DPF1: variants seen among roughly 807,000 people sequenced by gnomAD.
The protein encoded by DPF1 is zinc finger protein neuro-d4.
DPF1 carries 14 observed loss-of-function variants against 58.7 expected under a neutral mutation model. The observed-to-expected ratio is 0.24, with a 90% CI of 0.16 to 0.37. The LOEUF (loss-of-function observed/expected upper bound fraction) is 0.37. Ranked by LOEUF, DPF1 falls within the 10% of genes least tolerant of loss-of-function variation. The pLI, the probability that DPF1 is intolerant of heterozygous loss-of-function variation, is 1.00. For missense variants in DPF1, 345 were observed against 529.9 expected (o/e 0.65, Z 3.43); for synonymous variants, 216 against 216.0 (o/e 1.00, Z 0.00).
In DPF1 at chr19:38,218,983, G is replaced by A. The variant is rs368544567; in HGVS notation, c.374C>T (p.Thr125Met). 4.2e-5 allele frequency: 68 copies of A among 1,614,050 alleles called. No homozygotes were observed. Among genetic ancestry groups the A allele is most frequent in the Middle Eastern group, 3.3e-4 (2 of 6,084 alleles). ...CTTCAGCTCAATCTTCTTCTCCCCC[G>A]TCTCTGCACACAGTAGAGCCTCGAG... ...PVLEALLCAE[T>M]GEKKIELKEE... The change falls in exon 4 of 12, where the codon ACG (threonine) becomes ATG (methionine). Residue 125 changes from threonine to methionine, a missense_variant. Coordinates refer to ENST00000355526, the MANE Select transcript of DPF1 (RefSeq NM_001135155.3).
chr19:38,224,332 G>A (rs1313244525), upstream of DPF1: 1 of 1,236,148 alleles, frequency 8.1e-7, no homozygotes, highest in Non-Finnish European at 1.0e-6. This position sits in a 1 kb window ranked among gnomAD's most constrained non-coding sequence, Gnocchi z 4.5. Context: ...GGGGGCCCCC[G>A]GGACCCCGCG....
chr19:38,223,757 C>T, intron 1 of DPF1: 1 of 212,956 alleles, frequency 4.7e-6, no homozygotes, highest in Non-Finnish European at 9.3e-6. Context: ...GATACACACA[C>T]ACACTCCACA....
upstream of DPF1, among the ~76,000 whole-genome samples, chr19:38,225,740 A>G (rs1176255771): frequency 1.3e-5 from 2 of 150,996 alleles, no homozygotes; most frequent in Non-Finnish European, 3.0e-5. Context: ...AAAAAAATAA[A>G]TAGCTGGGCA....
At chr19:38,219,393 C>T (rs1967280182) in intron 3 of DPF1, 1 of 291,082 alleles carries the variant, frequency 3.4e-6, no homozygotes. Context: ...CAGATCCAGA[C>T]ACTCGCAGAG....
rs550095241 is a variant in DPF1, at chr19:38,211,968, T to A, written c.*95A>T. The A allele has an allele frequency of 1.7e-5, 23 of 1,379,962 alleles. No individual in the cohort carries two copies. In the East Asian group the frequency reaches 5.3e-4, roughly 32 times the overall value. The allele number at this position is 1,379,962 out of a possible 1,614,324, so 85.5% of individuals were successfully genotyped here. Reference sequence around the variant, plus strand: ...CCCTCTCGGCTTCCCCCTCTCCCCCTCCCCCTGCGGGATGTTCAGGGTGGG... The same window carrying A: ...CCCTCTCGGCTTCCCCCTCTCCCCCACCCCCTGCGGGATGTTCAGGGTGGG... On this transcript the variant is annotated 3_prime_UTR_variant, in exon 12 of 12. Transcript: ENST00000355526. This position sits in a 1 kb window ranked among gnomAD's most constrained non-coding sequence, Gnocchi z 4.0.
intron 9 of DPF1, 32 bp from the exon 10 acceptor site, chr19:38,213,788 A>G (rs1262349241): frequency 1.2e-5 from 19 of 1,581,624 alleles, no homozygotes; most frequent in South Asian, 3.3e-5. Flanking sequence ...TGCAGTTAGG[A>G]GGTCACCGTG....
upstream of DPF1, among the ~76,000 whole-genome samples, chr19:38,226,767 T>C (rs979225405): frequency 6.6e-6 from 1 of 151,678 alleles, no homozygotes; most frequent in Non-Finnish European, 1.5e-5. Context: ...CCCACCTTCC[T>C]CTCTCACCTC....
Position 38,222,539 on chromosome 19 carries a change from C to A in DPF1, c.190+9G>T. 2 of 1,604,186 alleles carry A rather than the reference C, an allele frequency of 1.2e-6. No homozygotes were observed. The highest frequency in any genetic ancestry group is 1.1e-5 in the South Asian group (1 of 90,114). On this transcript the variant is annotated intron_variant, in intron 2 of 11. Transcript: ENST00000355526. This position sits in a 1 kb window ranked among gnomAD's most constrained non-coding sequence, Gnocchi z 4.9. ...CCGCCCCGCCCTGCGCCAGCCCTCC[C>A]GGCGGTACCCGGCCCGCGGTGGGTC...
chr19:38,216,522 T>TA, intron 7 of DPF1, 119 bp from the exon 8 acceptor site: 1 of 1,209,416 alleles, frequency 8.3e-7, no homozygotes, highest in East Asian at 2.6e-5. Context: ...GAAGAGTGAG[T>TA]AGCTACCCCA....
At chr19:38,214,477 TGAC>T (rs1973706854) in intron 9 of DPF1, among the ~76,000 whole-genome samples, 1 of 152,148 alleles carries the variant, frequency 6.6e-6, no homozygotes, top group African/African-American at 2.4e-5. Context: ...CCACAATTCA[TGAC>T]CTACTGTGCT....
chr19:38,216,631 T>C, intron 7 of DPF1: 1 of 436,512 alleles, frequency 2.3e-6, no homozygotes, highest in Non-Finnish European at 3.9e-6. Context: ...TCTTGGTATG[T>C]TGCCCAGGCT....
At chr19:38,212,237 T>TGGGGGGGGGGGGGGCC in intron 11 of DPF1, 43 bp downstream of exon 11, 2 of 1,256,808 alleles carry the variant, frequency 1.6e-6, no homozygotes, top group Non-Finnish European at 2.2e-6. Flanking sequence ...GGAGATGGCG[T>TGGGGGGGGGGGGGGCC]TCCCACCCAC....
intron 6 of DPF1, 99 bp from the exon 7 acceptor site, chr19:38,217,690 C>T (rs1241805999): frequency 6.4e-7 from 1 of 1,563,080 alleles, no homozygotes; most frequent in Non-Finnish European, 8.7e-7. Flanking sequence ...CAGCCAGAGA[C>T]CTGAGCAGCC....
chr19:38,225,132 C>T (rs910863923), upstream of DPF1, among the ~76,000 whole-genome samples: 1 of 152,096 alleles, frequency 6.6e-6, no homozygotes, highest in African/African-American at 2.4e-5. Context: ...TATACTCCCC[C>T]ACTCAGGAGG....
chr19:38,212,087 A>G lies in DPF1; in HGVS notation c.1140T>C (p.Ala380=). Residue 380 remains alanine (A), a synonymous_variant, in exon 12 of 12, where the codon GCT becomes GCC. Transcript: ENST00000355526. ...HLCLRHLKEK[A]SAYITLT Reference sequence around the variant, plus strand: ...CCTAGGTGAGGGTGATGTAAGCAGAAGCCTTTTCCTTCAGGTGCCGGAGAC... The same window carrying G: ...CCTAGGTGAGGGTGATGTAAGCAGAGGCCTTTTCCTTCAGGTGCCGGAGAC... 2 of 1,612,496 alleles carry G rather than the reference A, an allele frequency of 1.2e-6. No individual in the cohort carries two copies. The highest frequency in any genetic ancestry group is 1.7e-6 in the Non-Finnish European group (2 of 1,179,768).
Position 38,222,533 on chromosome 19 carries a change from C to A in DPF1, c.190+15G>T. On this transcript the variant is annotated intron_variant, in intron 2 of 11. Coordinates refer to ENST00000355526, the MANE Select transcript of DPF1 (RefSeq NM_001135155.3). The surrounding 1 kb of genome is among the most constrained non-coding windows in gnomAD (Gnocchi z 4.9). ...CTGGCCCCGCCCCGCCCTGCGCCAG[C>A]CCTCCCGGCGGTACCCGGCCCGCGG... The A allele has an allele frequency of 6.2e-7, 1 of 1,605,784 alleles. No individual in the cohort carries two copies. Among genetic ancestry groups the A allele is most frequent in the Non-Finnish European group, 8.5e-7 (1 of 1,176,370 alleles).
chr19:38,211,918 A>G lies in DPF1; in HGVS notation c.*145T>C, dbSNP rs1246887785. 1.2e-6 allele frequency: 1 copy of G among 855,758 alleles called. No individual in the cohort carries two copies. Among genetic ancestry groups the G allele is most frequent in the Non-Finnish European group, 1.8e-6 (1 of 553,208 alleles). The allele number at this position is 855,758 out of a possible 1,614,324, so 53.0% of individuals were successfully genotyped here. ...CCCACAGGGCAGACATTCCACTTGC[A>G]CAGAGGGGAGGGGGTGGCCCAGCCC... On this transcript the variant is annotated 3_prime_UTR_variant, in exon 12 of 12. Transcript: ENST00000355526. This position sits in a 1 kb window ranked among gnomAD's most constrained non-coding sequence, Gnocchi z 4.0.
intron 5 of DPF1, among the ~76,000 whole-genome samples, chr19:38,218,217 G>GA (rs1568630321): frequency 6.6e-6 from 1 of 152,092 alleles, no homozygotes; most frequent in African/African-American, 2.4e-5. Context: ...AGAAAAAAAA[G>GA]AAAAAAGAAA....
chr19:38,216,027 C>G, intron 9 of DPF1, 113 bp downstream of exon 9: 1 of 1,489,552 alleles, frequency 6.7e-7, no homozygotes, highest in Non-Finnish European at 8.9e-7. Flanking sequence ...ACAGTATCCC[C>G]TACATGCTCC....
Sources: gnomAD v4.1 joint callset for allele counts (sites outside exome capture counted in the v4.1 genomes callset) on GRCh38, gnomAD v4.1.1 for gene constraint, Gnocchi (gnomAD v3.1) non-coding constraint, MANE v1.5 for transcripts, NCBI Gene and HGNC (gene_info 2026-07-23, HGNC 2026-07-21) for gene names.